The following PCDH15 variants were observed in gnomAD, a reference collection of about 807,000 sequenced individuals.
PCDH15 encodes protocadherin-15.
In PCDH15, 129 loss-of-function variants were observed where a neutral mutation model predicts 178.5. The ratio of observed to expected loss-of-function variants is 0.72; its 90% confidence interval spans 0.63 to 0.84. The LOEUF (loss-of-function observed/expected upper bound fraction) is 0.84, where lower values mean the gene tolerates loss of function less well. Among genes scored for constraint, PCDH15 ranks in the 40% least tolerant of loss-of-function variants. PCDH15 has a pLI of 0.00. For missense variants in PCDH15, 2,230 were observed against 2,099.9 expected (o/e 1.06, Z -1.21); for synonymous variants, 800 against 732.0 (o/e 1.09, Z -1.50).
At chr10:53,998,985 G>A (rs369421846) in intron 20 of PCDH15, among the ~76,000 whole-genome samples, 2 of 150,666 alleles carry the variant, frequency 1.3e-5, no homozygotes, top group South Asian at 2.1e-4. Context: ...CCCAGGAGGC[G>A]GATGTTGCAG....
rs1841401214 is a variant in PCDH15 at position 55,529,740 on chromosome 10, A to AGT, written c.-156+97883_-156+97884dup. ...ATATATATATATGTGTTTGTCTGTG[A>AGT]GTATATATATATATATATATATATA... On this transcript the variant is annotated intron_variant, in intron 2 of 5. Coordinates refer to the PCDH15 transcript ENST00000613346. 1.5e-4 allele frequency among the ~76,000 whole-genome samples: 3 copies of AGT among 19,910 alleles called. No individual in the cohort carries two copies. The Admixed American group carries it at 1.7e-3, about 11-fold the overall frequency. 13.1% of individuals were successfully genotyped at this position (19,910 alleles called of 152,430 possible).
chr10:55,228,346 G>A (rs561650370), intron 1 of PCDH15, among the ~76,000 whole-genome samples: 5 of 151,590 alleles, frequency 3.3e-5, no homozygotes, highest in African/African-American at 1.2e-4. Flanking sequence ...ATGTTATCTA[G>A]GAAGATCAAA....
Position 54,408,172 on chromosome 10 carries a change from A to T in PCDH15, c.158-29230T>A, listed in dbSNP as rs577995929. Among the ~76,000 whole-genome samples the T allele has an allele frequency of 3.4e-3, 517 of 151,862 alleles. 1 individual carries two copies. The highest frequency in any genetic ancestry group is 4.5e-3 in the Non-Finnish European group (306 of 67,932). On this transcript the variant is annotated intron_variant, in intron 3 of 37. Coordinates refer to ENST00000644397, the MANE Select transcript of PCDH15 (RefSeq NM_001384140.1). ...ACATAATTAGCTGTTTTTTTAAAAA[A>T]AAAAAATTGATGCATGCTTGCTTTC...
intron 2 of PCDH15, among the ~76,000 whole-genome samples, chr10:55,056,716 T>G (rs528044250): frequency 1.3e-5 from 2 of 151,582 alleles, no homozygotes; most frequent in Non-Finnish European, 2.9e-5. Context: ...CACTGCAACC[T>G]CCACCTCCCA....
intron 2 of PCDH15, among the ~76,000 whole-genome samples, chr10:55,614,123 A>C (rs1192261725): frequency 2.0e-5 from 3 of 152,068 alleles, no homozygotes; most frequent in Non-Finnish European, 2.9e-5. Context: ...CAAAAAAAAA[A>C]AAAGAAAAGT....
intron 13 of PCDH15, among the ~76,000 whole-genome samples, chr10:54,163,018 A>C (rs1265393742): frequency 6.6e-6 from 1 of 152,106 alleles, no homozygotes; most frequent in African/African-American, 2.4e-5. Flanking sequence ...GAAGGTGAAC[A>C]GTAAAGTTAT....
intron 15 of PCDH15, among the ~76,000 whole-genome samples, chr10:54,126,117 C>CTGG (rs1451619320): frequency 2.0e-5 from 3 of 148,638 alleles, no homozygotes; most frequent in African/African-American, 7.5e-5. Flanking sequence ...GTGGCCCAGG[C>CTGG]TGGTGTGCAG....
intron 30 of PCDH15, 85 bp downstream of exon 30, chr10:53,831,230 T>C (rs2076996903): frequency 1.6e-6 from 2 of 1,240,766 alleles, no homozygotes; most frequent in South Asian, 2.4e-5. Context: ...ATCAATATTT[T>C]ACAACGCAAA....
intron 21 of PCDH15, among the ~76,000 whole-genome samples, chr10:53,964,413 TAAATTTTATTTATTCATAAAATTTTTATA>T (rs1224109166): frequency 0.054 from 7,861 of 144,586 alleles, 287 homozygotes; most frequent in Non-Finnish European, 0.086. Context: ...AAAATTTTTA[TAAATTTTATTTATTCATAAAATTTTTATA>T]AAATTTTATT....
At chr10:55,492,035 C>T (rs1300060030) in intron 2 of PCDH15, among the ~76,000 whole-genome samples, 3 of 151,644 alleles carry the variant, frequency 2.0e-5, no homozygotes, top group Non-Finnish European at 4.4e-5. Flanking sequence ...CTTCTGACCA[C>T]AAACTGATTG....
intron 2 of PCDH15, among the ~76,000 whole-genome samples, chr10:55,117,974 C>T (rs543816819): frequency 7.5e-4 from 114 of 152,198 alleles, no homozygotes; most frequent in African/African-American, 2.4e-3. Context: ...GTTATGCAAA[C>T]GGAGGCCTTG....
chr10:55,263,044 T>G (rs538016044), intron 1 of PCDH15, among the ~76,000 whole-genome samples: 1 of 152,062 alleles, frequency 6.6e-6, no homozygotes, highest in East Asian at 1.9e-4. Flanking sequence ...TCACATGCCC[T>G]GTGATGGGGA....
At chr10:55,110,107 C>T (rs77633180) in intron 2 of PCDH15, among the ~76,000 whole-genome samples, 1 of 151,394 alleles carries the variant, frequency 6.6e-6, no homozygotes, top group East Asian at 1.9e-4. Flanking sequence ...ATTTTAAATG[C>T]CTGTGTAATA....
intron 2 of PCDH15, among the ~76,000 whole-genome samples, chr10:54,964,565 G>C (rs903531589): frequency 6.6e-6 from 1 of 152,088 alleles, no homozygotes. Context: ...TGGTCCCATT[G>C]TTTCCCCAAC....
intron 3 of PCDH15, among the ~76,000 whole-genome samples, chr10:54,489,969 A>C (rs2137097997): frequency 6.6e-6 from 1 of 152,292 alleles, no homozygotes; most frequent in African/African-American, 2.4e-5. Context: ...ATGTGATCAG[A>C]ATTAAATTAT....
intron 2 of PCDH15, among the ~76,000 whole-genome samples, chr10:55,492,934 C>T (rs545342133): frequency 1.3e-4 from 20 of 151,662 alleles, no homozygotes; most frequent in African/African-American, 4.8e-4. Context: ...ATGAAAAATT[C>T]ACTAGATGTT....
chr10:54,096,191 T>A (rs1243633247), intron 15 of PCDH15, among the ~76,000 whole-genome samples: 2 of 151,926 alleles, frequency 1.3e-5, no homozygotes, highest in African/African-American at 4.8e-5. Flanking sequence ...TGTCCTAAAC[T>A]TATCTCGAGT....
At chr10:54,217,868 C>T (rs955041355) in intron 9 of PCDH15, among the ~76,000 whole-genome samples, 6 of 151,990 alleles carry the variant, frequency 3.9e-5, no homozygotes, top group Non-Finnish European at 5.9e-5. Flanking sequence ...GAAAGAATTC[C>T]GAGACTACTA....
chr10:53,951,157 C>T (rs1021558979), intron 23 of PCDH15, among the ~76,000 whole-genome samples: 2 of 152,020 alleles, frequency 1.3e-5, no homozygotes, highest in East Asian at 1.9e-4. Context: ...TTCTCAATTT[C>T]TAATGAAAAA....
Sources: allele counts gnomAD v4.1 joint callset (sites outside exome capture counted in the v4.1 genomes callset), GRCh38; gene constraint gnomAD v4.1.1; transcripts MANE v1.5; gene names NCBI Gene and HGNC (gene_info 2026-07-23, HGNC 2026-07-21).